TRAPPC9: variants seen among roughly 807,000 people sequenced by gnomAD.
TRAPPC9 encodes trafficking protein particle complex subunit 9.
A neutral mutation model predicts 124.0 loss-of-function variants in TRAPPC9; 83 were observed. That is an observed-to-expected ratio of 0.67 (90% CI 0.56 to 0.80). TRAPPC9 has a LOEUF of 0.80. Among genes scored for constraint, TRAPPC9 ranks in the 30% least tolerant of loss-of-function variants. TRAPPC9 has a pLI of 0.00. For missense variants in TRAPPC9, 1,302 were observed against 1,508.3 expected (o/e 0.86, Z 2.27); for synonymous variants, 638 against 617.5 (o/e 1.03, Z -0.49).
intron 17 of TRAPPC9, among the ~76,000 whole-genome samples, chr8:140,025,207 C>T (rs1271965787): frequency 6.6e-6 from 1 of 152,208 alleles, no homozygotes; most frequent in Non-Finnish European, 1.5e-5. Context: ...ACAAGAAGTT[C>T]AACCAGGTTC....
At chr8:140,190,588 G>A (rs1563831690) in intron 17 of TRAPPC9, among the ~76,000 whole-genome samples, 1 of 152,230 alleles carries the variant, frequency 6.6e-6, no homozygotes, top group Non-Finnish European at 1.5e-5. Flanking sequence ...CCCAGAGGCA[G>A]AGCCTGGAGG....
intron 18 of TRAPPC9, among the ~76,000 whole-genome samples, chr8:139,998,546 G>A (rs557005793): frequency 1.3e-4 from 20 of 152,170 alleles, no homozygotes; most frequent in Non-Finnish European, 1.2e-4. Flanking sequence ...GTGAAACCCC[G>A]TCTCTACTAA....
intron 21 of TRAPPC9, among the ~76,000 whole-genome samples, chr8:139,759,395 G>A (rs1820074448): frequency 6.6e-6 from 1 of 152,274 alleles, no homozygotes; most frequent in South Asian, 2.1e-4. Flanking sequence ...GAGTACTATT[G>A]CCATGAGGAA....
intron 16 of TRAPPC9, among the ~76,000 whole-genome samples, chr8:140,230,130 T>C (rs2063556309): frequency 6.6e-6 from 1 of 152,158 alleles, no homozygotes; most frequent in Non-Finnish European, 1.5e-5. Context: ...GCACATAACA[T>C]GCTCCAAGAG....
intron 21 of TRAPPC9, among the ~76,000 whole-genome samples, chr8:139,759,051 G>A (rs573147057): frequency 1.3e-5 from 2 of 152,280 alleles, no homozygotes; most frequent in South Asian, 4.1e-4. Context: ...CAGTGGTAGA[G>A]GTGTTGATGG....
At chr8:139,743,748 G>A (rs550496719) in intron 21 of TRAPPC9, among the ~76,000 whole-genome samples, 1 of 152,152 alleles carries the variant, frequency 6.6e-6, no homozygotes, top group Non-Finnish European at 1.5e-5. Flanking sequence ...CCTGTGGGGT[G>A]GGGGGCAGGC....
chr8:140,038,305 C>T (rs990878450), intron 17 of TRAPPC9, among the ~76,000 whole-genome samples: 14 of 152,234 alleles, frequency 9.2e-5, no homozygotes, highest in African/African-American at 2.4e-4. Context: ...CCGTGCTCCA[C>T]GGGCAGGGCC....
At chr8:139,857,492 C>A (rs551013690) in intron 21 of TRAPPC9, among the ~76,000 whole-genome samples, 1 of 152,194 alleles carries the variant, frequency 6.6e-6, no homozygotes, top group African/African-American at 2.4e-5. Flanking sequence ...CATGGGGCAA[C>A]GTGGACCCCA....
At chr8:139,987,987 G>A (rs994874607) in intron 19 of TRAPPC9, among the ~76,000 whole-genome samples, 1 of 147,260 alleles carries the variant, frequency 6.8e-6, no homozygotes, top group African/African-American at 2.4e-5. Context: ...GACTGGGCTT[G>A]GGTGACTGTG....
intron 18 of TRAPPC9, among the ~76,000 whole-genome samples, chr8:139,989,797 C>A (rs1017889261): frequency 6.6e-6 from 1 of 152,186 alleles, no homozygotes; most frequent in Non-Finnish European, 1.5e-5. Context: ...CAGCCCCAAA[C>A]GCGCCGTCCG....
intron 17 of TRAPPC9, among the ~76,000 whole-genome samples, chr8:140,189,998 T>C (rs139819606): frequency 1.8e-4 from 27 of 152,138 alleles, no homozygotes; most frequent in African/African-American, 6.3e-4. Context: ...TTGGTAAGTT[T>C]TGAAGCACAA....
intron 17 of TRAPPC9, among the ~76,000 whole-genome samples, chr8:140,131,976 C>T (rs1362862691): frequency 2.0e-5 from 3 of 152,324 alleles, no homozygotes; most frequent in South Asian, 2.1e-4. Context: ...CTTTCACAGT[C>T]GGCCCCCCAA....
Position 140,248,848 on chromosome 8 carries a change from G to A in TRAPPC9, c.2431+3929C>T, listed in dbSNP as rs142741747. On this transcript the variant is annotated intron_variant, in intron 16 of 22. Coordinates refer to ENST00000438773, the MANE Select transcript of TRAPPC9 (RefSeq NM_001160372.4). The stretch of plus-strand genomic sequence containing the variant: ...AATTTGAAGATAAGGTAAATAATTT[G>A]CTTTCTGATGTTTCATTTAGAAACA... Among the ~76,000 whole-genome samples, 1,146 of 152,224 alleles carry A rather than the reference G, an allele frequency of 7.5e-3. 12 individuals are homozygous for A. Among genetic ancestry groups the A allele is most frequent in the African/African-American group, 0.026 (1,088 of 41,538 alleles).
At chr8:140,153,915 C>T (rs769803873) in intron 17 of TRAPPC9, among the ~76,000 whole-genome samples, 13 of 152,172 alleles carry the variant, frequency 8.5e-5, no homozygotes, top group Non-Finnish European at 1.3e-4. Flanking sequence ...TTCAAGCCTT[C>T]TACGTTTGCT....
At chr8:140,000,603 A>G (rs1351457757) in intron 18 of TRAPPC9, among the ~76,000 whole-genome samples, 2 of 152,270 alleles carry the variant, frequency 1.3e-5, no homozygotes, top group Non-Finnish European at 2.9e-5. Flanking sequence ...AAAAGAAGAC[A>G]TTTATGCAGC....
At chr8:140,208,148 C>G (rs550796013) in intron 17 of TRAPPC9, among the ~76,000 whole-genome samples, 1 of 129,806 alleles carries the variant, frequency 7.7e-6, no homozygotes, top group South Asian at 2.6e-4. Flanking sequence ...GAAACTCTGT[C>G]TCAAAAAAAA....
At chr8:140,082,976 C>A (rs1458876502) in intron 17 of TRAPPC9, among the ~76,000 whole-genome samples, 1 of 152,130 alleles carries the variant, frequency 6.6e-6, no homozygotes, top group African/African-American at 2.4e-5. Context: ...AGGTGGATCA[C>A]AAGGTCAAGA....
chr8:139,784,608 CATATATAT>C (rs34583867), intron 21 of TRAPPC9, among the ~76,000 whole-genome samples: 9,816 of 88,594 alleles, frequency 0.11, 684 homozygotes, highest in South Asian at 0.2. Flanking sequence ...AAAAGACTGA[CATATATAT>C]ATATATATAT....
chr8:140,278,351 C>A (rs556737466), intron 14 of TRAPPC9, among the ~76,000 whole-genome samples: 2 of 152,334 alleles, frequency 1.3e-5, no homozygotes, highest in African/African-American at 4.8e-5. Flanking sequence ...GGTGATCCAC[C>A]TGCCTTGGCC....
Sources: allele counts gnomAD v4.1 joint callset (sites outside exome capture counted in the v4.1 genomes callset), GRCh38; gene constraint gnomAD v4.1.1; transcripts MANE v1.5; gene names NCBI Gene and HGNC (gene_info 2026-07-23, HGNC 2026-07-21).